The following MACROD2 variants were observed in gnomAD, a reference collection of about 807,000 sequenced individuals.
The protein encoded by MACROD2 is ADP-ribose glycohydrolase MACROD2.
MACROD2 carries 36 observed loss-of-function variants against 70.4 expected under a neutral mutation model. The observed-to-expected ratio is 0.51, with a 90% CI of 0.39 to 0.68. MACROD2 has a LOEUF of 0.68. Ranked by LOEUF, MACROD2 falls within the 30% of genes least tolerant of loss-of-function variation. MACROD2 has a pLI of 0.00. For synonymous variants in MACROD2, 172 were observed against 178.8 expected (o/e 0.96, Z 0.30); for missense variants, 496 against 538.4 (o/e 0.92, Z 0.78).
intron 5 of MACROD2, among the ~76,000 whole-genome samples, chr20:15,134,573 T>G (rs1016876412): frequency 2.6e-5 from 4 of 152,038 alleles, no homozygotes; most frequent in Non-Finnish European, 5.9e-5. Context: ...AAGCAGTGTG[T>G]AGAGGGAAAT....
intron 3 of MACROD2, among the ~76,000 whole-genome samples, chr20:14,470,149 C>G (rs941230860): frequency 6.6e-6 from 1 of 151,938 alleles, no homozygotes; most frequent in African/African-American, 2.4e-5. Context: ...TCATGCTATT[C>G]CTTTCTGTTT....
At chr20:15,550,118 C>T (rs2048076130) in intron 8 of MACROD2, among the ~76,000 whole-genome samples, 1 of 151,890 alleles carries the variant, frequency 6.6e-6, no homozygotes, top group Non-Finnish European at 1.5e-5. Context: ...GTATCTAATG[C>T]ATCACATTTA....
rs143266190 is a variant in MACROD2 at position 14,594,090 on chromosome 20, G to A, written c.302-90753G>A. ...TAAGTGCTGTTAAAGACATGCCAATGAAGATAGTAGGAGTACAAAGGAGGA... is the reference window on the plus strand; with the variant it reads ...TAAGTGCTGTTAAAGACATGCCAATAAAGATAGTAGGAGTACAAAGGAGGA... On this transcript the variant is annotated intron_variant, in intron 4 of 17. Transcript: ENST00000684519. Among the ~76,000 whole-genome samples the A allele has an allele frequency of 7.5e-3, 1,140 of 152,294 alleles. 7 individuals carry two copies. Among genetic ancestry groups the A allele is most frequent in the African/African-American group, 0.025 (1,029 of 41,562 alleles).
intron 8 of MACROD2, among the ~76,000 whole-genome samples, chr20:15,824,047 C>A (rs1409207584): frequency 1.3e-5 from 2 of 152,106 alleles, no homozygotes; most frequent in Non-Finnish European, 2.9e-5. Flanking sequence ...AGAGGGAGAT[C>A]CAATTAATTG....
chr20:15,576,552 G>GTTTTTTTTTT (rs11473854), intron 8 of MACROD2, among the ~76,000 whole-genome samples: 5 of 145,750 alleles, frequency 3.4e-5, no homozygotes, highest in Non-Finnish European at 3.0e-5. Context: ...TGCACAAAAT[G>GTTTTTTTTTT]TTTTTTTTTT....
intron 7 of MACROD2, among the ~76,000 whole-genome samples, chr20:15,435,017 G>A (rs1269087857): frequency 1.3e-5 from 2 of 152,194 alleles, no homozygotes; most frequent in East Asian, 3.9e-4. Flanking sequence ...TTGGGGACTT[G>A]AGGGTGACGG....
At chr20:16,021,717 A>T (rs1030461234) in intron 15 of MACROD2, among the ~76,000 whole-genome samples, 11 of 152,198 alleles carry the variant, frequency 7.2e-5, no homozygotes, top group African/African-American at 2.4e-4. Context: ...CCTATTAGGA[A>T]CCTGAATCGC....
intron 6 of MACROD2, among the ~76,000 whole-genome samples, chr20:15,333,546 T>A (rs2078016102): frequency 6.6e-6 from 1 of 151,416 alleles, no homozygotes; most frequent in Non-Finnish European, 1.5e-5. Context: ...TAGGGGAAAA[T>A]AGACATGTAG....
chr20:15,769,750 A>C (rs1009818158), intron 8 of MACROD2, among the ~76,000 whole-genome samples: 1 of 152,214 alleles, frequency 6.6e-6, no homozygotes, highest in East Asian at 1.9e-4. Context: ...GTTATTATGA[A>C]AACTAACACT....
chr20:14,044,672 A>G (rs1050897609), intron 2 of MACROD2, among the ~76,000 whole-genome samples: 2 of 152,126 alleles, frequency 1.3e-5, no homozygotes, highest in African/African-American at 4.8e-5. Flanking sequence ...ACCCTGAGCT[A>G]GATACAGAGT....
At chr20:15,339,173 TAGAC>T (rs1184780879) in intron 6 of MACROD2, among the ~76,000 whole-genome samples, 3 of 151,872 alleles carry the variant, frequency 2.0e-5, no homozygotes, top group Non-Finnish European at 4.4e-5. Context: ...GATAGGTAGA[TAGAC>T]AGATGGGTAC....
At chr20:15,128,196 A>C (rs2076080140) in intron 5 of MACROD2, among the ~76,000 whole-genome samples, 1 of 152,112 alleles carries the variant, frequency 6.6e-6, no homozygotes, top group African/African-American at 2.4e-5. Context: ...TGTTTTTAGA[A>C]CAGAGAAAGT....
At chr20:14,642,443 TA>T (rs893405532) in intron 4 of MACROD2, among the ~76,000 whole-genome samples, 34 of 152,300 alleles carry the variant, frequency 2.2e-4, no homozygotes, top group Non-Finnish European at 4.4e-4. Flanking sequence ...CATGGGTAAC[TA>T]TTTGGTGCAA....
intron 3 of MACROD2, among the ~76,000 whole-genome samples, chr20:14,293,716 T>C (rs1023639920): frequency 6.6e-6 from 1 of 151,776 alleles, no homozygotes; most frequent in Non-Finnish European, 1.5e-5. Context: ...TTTTGGCAGA[T>C]GTGTGATAGT....
At chr20:15,972,671 A>G (rs1386542394) in intron 13 of MACROD2, among the ~76,000 whole-genome samples, 1 of 151,986 alleles carries the variant, frequency 6.6e-6, no homozygotes, top group Non-Finnish European at 1.5e-5. Flanking sequence ...TTAGCAAGGC[A>G]CGGTGGTGGG....
At chr20:15,398,121 G>T (rs1259991419) in intron 6 of MACROD2, among the ~76,000 whole-genome samples, 1 of 152,030 alleles carries the variant, frequency 6.6e-6, no homozygotes, top group Non-Finnish European at 1.5e-5. Context: ...GGTGACTTTG[G>T]AACTACATGA....
chr20:15,866,321 G>C (rs1022428696), intron 9 of MACROD2, among the ~76,000 whole-genome samples: 1 of 152,012 alleles, frequency 6.6e-6, no homozygotes, highest in African/African-American at 2.4e-5. Flanking sequence ...ACTTGAGCTC[G>C]GGGATTTGAG....
chr20:14,133,079 T>C (rs968778179), intron 3 of MACROD2, among the ~76,000 whole-genome samples: 31 of 152,132 alleles, frequency 2.0e-4, no homozygotes, highest in African/African-American at 7.0e-4. Flanking sequence ...AGATCTGCAG[T>C]TGGCAAGCTG....
intron 8 of MACROD2, among the ~76,000 whole-genome samples, chr20:15,714,637 A>C (rs1268348090): frequency 6.6e-6 from 1 of 152,214 alleles, no homozygotes; most frequent in Non-Finnish European, 1.5e-5. Context: ...ATGACATTGT[A>C]TTCCTATGAC....
Sources: gnomAD v4.1 joint callset for allele counts (sites outside exome capture counted in the v4.1 genomes callset) on GRCh38, gnomAD v4.1.1 for gene constraint, MANE v1.5 for transcripts, NCBI Gene and HGNC (gene_info 2026-07-23, HGNC 2026-07-21) for gene names.